Variants in SERPINB11 observed in about 807,000 individuals in gnomAD.
SERPINB11 encodes serpin B11.
In SERPINB11, 32 loss-of-function variants were observed where a neutral mutation model predicts 36.7. The ratio of observed to expected loss-of-function variants is 0.87; its 90% CI spans 0.66 to 1.17. The LOEUF is 1.17. Among genes scored for constraint, SERPINB11 ranks in the 50% most tolerant of loss-of-function variants. The probability of loss-of-function intolerance (pLI) is 0.00; values close to 1 mark genes in which losing one functional copy is unlikely to be tolerated. For missense variants in SERPINB11, 528 were observed against 458.4 expected (o/e 1.15, Z -1.39); for synonymous variants, 174 against 168.1 (o/e 1.04, Z -0.27).
At position 63,723,154 on chromosome 18, in the gene SERPINB11, C is replaced by A. The variant is rs758845258; in HGVS notation, c.934C>A (p.Gln312Lys). ...TCTAGGGGTGACAGATCTCTTCAAC[C>A]AGGTCAAAGCTGATCTTTCTGGAAT... ...KSLGVTDLFN[Q>K]VKADLSGMSP... The change falls in exon 8 of 8, where the codon CAG (glutamine) becomes AAG (lysine). Residue 312 changes from glutamine to lysine, a missense_variant. Coordinates refer to ENST00000544088, the MANE Select transcript of SERPINB11 (RefSeq NM_001370475.1). 1.9e-6 allele frequency: 3 copies of A among 1,611,812 alleles called. No individual in the cohort carries two copies. Among genetic ancestry groups the A allele is most frequent in the South Asian group, 2.2e-5 (2 of 90,784 alleles).
chr18:63,711,871 G>A (rs1914536101), intron 3 of SERPINB11, among the ~76,000 whole-genome samples: 5 of 152,112 alleles, frequency 3.3e-5, no homozygotes, highest in Non-Finnish European at 1.5e-5. Flanking sequence ...ACTCCTACAT[G>A]AAAATAGTTC....
At chr18:63,707,347 A>G (rs779661690) in intron 1 of SERPINB11, among the ~76,000 whole-genome samples, 52 of 152,198 alleles carry the variant, frequency 3.4e-4, no homozygotes, top group Non-Finnish European at 6.9e-4. Flanking sequence ...ACTAGGTGAC[A>G]TGAAGACCCA....
intron 6 of SERPINB11, 27 bp from the exon 7 acceptor site, chr18:63,720,804 A>G: frequency 6.6e-7 from 1 of 1,504,248 alleles, no homozygotes; most frequent in Middle Eastern, 2.3e-4. Flanking sequence ...ATATGTAAGT[A>G]TACTATAATC....
intron 5 of SERPINB11, among the ~76,000 whole-genome samples, chr18:63,719,585 T>G (rs994001413): frequency 6.6e-6 from 1 of 152,148 alleles, no homozygotes; most frequent in African/African-American, 2.4e-5. Context: ...AATACACTAA[T>G]TCTAGTGCAT....
intron 5 of SERPINB11, among the ~76,000 whole-genome samples, chr18:63,719,141 G>A (rs11659265): frequency 0.13 from 19,250 of 152,026 alleles, 1,531 homozygotes; most frequent in Middle Eastern, 0.2. Flanking sequence ...TTTTTGGCAC[G>A]AATGAAAAGA....
At chr18:63,715,280 T>C (rs1375285846) in intron 4 of SERPINB11, among the ~76,000 whole-genome samples, 2 of 152,156 alleles carry the variant, frequency 1.3e-5, no homozygotes, top group Non-Finnish European at 2.9e-5. Flanking sequence ...CACTGTTGTC[T>C]TGGCAGAAAG....
At chr18:63,712,436 A>G in intron 3 of SERPINB11, 129 bp from the exon 4 acceptor site, 1 of 900,988 alleles carries the variant, frequency 1.1e-6, no homozygotes, top group Non-Finnish European at 1.7e-6. Flanking sequence ...AAAATGCTTT[A>G]AACTAATTTC....
At chr18:63,714,823 G>T (rs549233549) in intron 4 of SERPINB11, among the ~76,000 whole-genome samples, 1 of 152,202 alleles carries the variant, frequency 6.6e-6, no homozygotes, top group African/African-American at 2.4e-5. Flanking sequence ...GGGTCCTGAG[G>T]TGATATACAT....
At position 63,717,309 on chromosome 18, in the gene SERPINB11, T is replaced by A. The variant is rs566970798; in HGVS notation, c.475+1157T>A. 3.7e-4 allele frequency among the ~76,000 whole-genome samples: 57 copies of A among 152,216 alleles called. 2 individuals carry two copies. The South Asian group carries it at 0.011, about 30-fold the overall frequency. ...ATACTTAGGACATTTTTAGTTTGGA[T>A]CTCTTATAAATAGTGCTGCTGTGAA... is the stretch of plus-strand genomic sequence containing the variant. On this transcript the variant is annotated intron_variant, in intron 5 of 7. Transcript: ENST00000544088.
chr18:63,716,649 A>G (rs917149017), intron 5 of SERPINB11, among the ~76,000 whole-genome samples: 2 of 152,150 alleles, frequency 1.3e-5, no homozygotes, highest in South Asian at 2.1e-4. Flanking sequence ...TAGATATTCT[A>G]TCATTTTCCT....
chr18:63,708,804 A>C (rs1027253838), intron 1 of SERPINB11, among the ~76,000 whole-genome samples: 10 of 152,188 alleles, frequency 6.6e-5, no homozygotes, highest in Admixed American at 3.3e-4. Context: ...CCAGGGTATG[A>C]CTGTTCATAG....
At chr18:63,713,685 G>A (rs906447387) in intron 4 of SERPINB11, among the ~76,000 whole-genome samples, 5 of 152,152 alleles carry the variant, frequency 3.3e-5, no homozygotes, top group Non-Finnish European at 5.9e-5. Context: ...TATAGGGAAC[G>A]ATGTATGGAG....
chr18:63,714,334 A>T (rs1914609142), intron 4 of SERPINB11, among the ~76,000 whole-genome samples: 1 of 152,136 alleles, frequency 6.6e-6, no homozygotes, highest in African/African-American at 2.4e-5. Context: ...CATCGGGGCA[A>T]AATTAAAATT....
At chr18:63,714,325 A>C (rs1914608542) in intron 4 of SERPINB11, among the ~76,000 whole-genome samples, 1 of 152,130 alleles carries the variant, frequency 6.6e-6, no homozygotes, top group Non-Finnish European at 1.5e-5. Flanking sequence ...GGGGCAGAGC[A>C]TCGGGGCAAA....
chr18:63,711,775 A>C (rs1914533290), intron 3 of SERPINB11, among the ~76,000 whole-genome samples: 1 of 152,128 alleles, frequency 6.6e-6, no homozygotes, highest in South Asian at 2.1e-4. Context: ...AACATGGCCT[A>C]ATATTGCCCA....
intron 7 of SERPINB11, 147 bp downstream of exon 7, chr18:63,721,133 G>A (rs1226843984): frequency 4.0e-6 from 3 of 758,560 alleles, no homozygotes; most frequent in South Asian, 1.9e-5. Context: ...GGGTGTGAAA[G>A]TAGCAGGGAG....
intron 7 of SERPINB11, among the ~76,000 whole-genome samples, chr18:63,722,422 G>A (rs1914838452): frequency 1.3e-5 from 2 of 152,190 alleles, no homozygotes; most frequent in Admixed American, 1.3e-4. Context: ...AGAAGTCAGT[G>A]TGCTGAGGCT....
At chr18:63,715,933 GC>G (rs1598965053) in intron 4 of SERPINB11, 101 bp from the exon 5 acceptor site, 1 of 637,898 alleles carries the variant, frequency 1.6e-6, no homozygotes, top group Non-Finnish European at 2.7e-6. Context: ...TATGGGAACT[GC>G]TTTTTTCTCT....
chr18:63,719,565 A>G (rs1046125405), intron 5 of SERPINB11, among the ~76,000 whole-genome samples: 6 of 152,128 alleles, frequency 3.9e-5, no homozygotes, highest in African/African-American at 1.2e-4. Context: ...GCTTTAGTAT[A>G]TATATTTGTA....
Sources: gnomAD v4.1 joint callset for allele counts (sites outside exome capture counted in the v4.1 genomes callset) on GRCh38, gnomAD v4.1.1 for gene constraint, MANE v1.5 for transcripts, NCBI Gene and HGNC (gene_info 2026-07-23, HGNC 2026-07-21) for gene names.